Variants in ARFGEF1 observed in about 807,000 individuals in gnomAD.
The protein encoded by ARFGEF1 is ARF guanine nucleotide exchange factor 1, also known as brefeldin A-inhibited guanine nucleotide-exchange protein 1.
In ARFGEF1, 42 loss-of-function variants were observed where a neutral mutation model predicts 231.0. That is an observed-to-expected ratio of 0.18 (90% CI 0.14 to 0.24). The LOEUF (loss-of-function observed/expected upper bound fraction) is 0.24. ARFGEF1 is among the 10% of genes least tolerant of loss of function. The probability of loss-of-function intolerance (pLI) is 1.00; values close to 1 mark genes in which losing one functional copy is unlikely to be tolerated. For synonymous variants in ARFGEF1, 710 were observed against 732.3 expected (o/e 0.97, Z 0.49); for missense variants, 1,345 against 2,192.0 (o/e 0.61, Z 7.72).
intron 22 of ARFGEF1, among the ~76,000 whole-genome samples, chr8:67,233,148 A>C (rs528678038): frequency 2.0e-5 from 3 of 152,168 alleles, no homozygotes; most frequent in Admixed American, 6.5e-5. Context: ...ACACATGGTT[A>C]TAAGTCACAA....
intron 5 of ARFGEF1, among the ~76,000 whole-genome samples, chr8:67,183,714 A>C (rs962542047): frequency 2.0e-5 from 3 of 152,168 alleles, no homozygotes; most frequent in Non-Finnish European, 2.9e-5. Flanking sequence ...GCCAAACTCT[A>C]AAACTCACAG....
At chr8:67,204,484 GTAA>G (rs1480139755) in intron 35 of ARFGEF1, among the ~76,000 whole-genome samples, 193 bp downstream of exon 35, 1 of 152,160 alleles carries the variant, frequency 6.6e-6, no homozygotes, top group Non-Finnish European at 1.5e-5. Flanking sequence ...GAGGTCCCTA[GTAA>G]TCAGTTGCTG....
Position 67,267,122 on chromosome 8 carries a change from C to T in ARFGEF1, c.1781G>A (p.Gly594Asp), listed in dbSNP as rs1265332006. Residue 594 changes from glycine (G) to aspartate (D), a missense_variant, in exon 12 of 39, where the codon GGC (glycine) becomes GAC (aspartate). Gly to Asp is a moderately conservative substitution (Grantham distance 94). This residue lies in a region of ARFGEF1 where 141 missense variants were observed against 259.9 expected (regional missense o/e 0.54). Transcript: ENST00000262215. Reference sequence around the variant, plus strand: ...ATTACTCATACCAAGTTCTTGACTGCCCCTTCCTTGAGCAATTTTTGATAG... The same window carrying T: ...ATTACTCATACCAAGTTCTTGACTGTCCCTTCCTTGAGCAATTTTTGATAG... ...NDLSKIAQGR[G>D]SQELGMSNVQ... 5 of 1,613,008 alleles carry T rather than the reference C, an allele frequency of 3.1e-6. No homozygotes were observed. Among genetic ancestry groups the T allele is most frequent in the South Asian group, 2.2e-5 (2 of 91,044 alleles).
At chr8:67,224,879 T>C (rs1839319547) in intron 29 of ARFGEF1, 24 bp downstream of exon 29, 1 of 1,472,562 alleles carries the variant, frequency 6.8e-7, no homozygotes, top group Non-Finnish European at 9.1e-7. Flanking sequence ...ATCCAAAATT[T>C]TAATTACAAA....
intron 5 of ARFGEF1, among the ~76,000 whole-genome samples, chr8:67,181,980 C>T (rs1398296385): frequency 6.6e-6 from 1 of 152,006 alleles, no homozygotes; most frequent in Non-Finnish European, 1.5e-5. Flanking sequence ...GAGGTTTATC[C>T]ATGTTATAGC....
chr8:67,270,697 C>A (rs1805041264), intron 10 of ARFGEF1, among the ~76,000 whole-genome samples: 1 of 138,140 alleles, frequency 7.2e-6, no homozygotes, highest in Non-Finnish European at 1.5e-5. Flanking sequence ...AACAAAAAAT[C>A]AGAAACTGGT....
At chr8:67,209,270 A>G (rs1031994420) in intron 34 of ARFGEF1, among the ~76,000 whole-genome samples, 36 of 114,174 alleles carry the variant, frequency 3.2e-4, no homozygotes, top group Non-Finnish European at 1.4e-4. Flanking sequence ...GGAATGAATT[A>G]CTGATTATGC....
intron 9 of ARFGEF1, among the ~76,000 whole-genome samples, chr8:67,273,855 G>A (rs1046244203): frequency 2.6e-5 from 4 of 152,018 alleles, no homozygotes; most frequent in Non-Finnish European, 5.9e-5. Context: ...GTCTTCCAAG[G>A]CTTACACACT....
At chr8:67,195,622 C>T (rs1837786727), downstream of ARFGEF1, 5 of 1,586,380 alleles carry the variant, frequency 3.2e-6, no homozygotes, top group Admixed American at 1.7e-5. Flanking sequence ...CCAGTAGTGC[C>T]TTTTAAGGTG....
intron 7 of ARFGEF1, among the ~76,000 whole-genome samples, chr8:67,283,611 A>G (rs1324453837): frequency 3.9e-5 from 6 of 152,206 alleles, no homozygotes; most frequent in Non-Finnish European, 5.9e-5. Flanking sequence ...TCTGTAAAAT[A>G]TATCACAGAA....
intron 9 of ARFGEF1, among the ~76,000 whole-genome samples, chr8:67,275,322 T>A (rs888505810): frequency 1.3e-5 from 2 of 152,146 alleles, no homozygotes; most frequent in Admixed American, 1.3e-4. Flanking sequence ...TCACGAGAGA[T>A]ACTTGACCAT....
chr8:67,266,092 G>A lies in ARFGEF1; in HGVS notation c.2037C>T (p.Tyr679=), dbSNP rs1446565735. The change falls in exon 14 of 39, where the codon TAC becomes TAT. Residue 679 remains tyrosine (Y), a synonymous_variant. Transcript: ENST00000262215. The stretch of plus-strand genomic sequence containing the variant: ...TATCAGTGCCAGACATCTGTGTACT[G>A]TAGCTGCCTATTCCTGATGATGATG... ...ESTSSSGIGS[Y]STQMSGTDNP... The A allele has an allele frequency of 3.1e-6, 5 of 1,613,762 alleles. No homozygotes were observed. The highest frequency in any genetic ancestry group is 4.2e-6 in the Non-Finnish European group (5 of 1,179,790).
chr8:67,179,636 T>C (rs1832537683), intron 5 of ARFGEF1, among the ~76,000 whole-genome samples: 1 of 152,212 alleles, frequency 6.6e-6, no homozygotes, highest in South Asian at 2.1e-4. Context: ...GTAGAATCTG[T>C]AGCCTGGAGA....
chr8:67,342,848 C>T (rs975805754), intron 1 of ARFGEF1, among the ~76,000 whole-genome samples: 8 of 152,138 alleles, frequency 5.3e-5, no homozygotes, highest in African/African-American at 1.9e-4. Context: ...GGGTGGTATC[C>T]AGTCCGCACC....
intron 1 of ARFGEF1, among the ~76,000 whole-genome samples, chr8:67,305,313 G>A (rs1806687963): frequency 6.6e-6 from 1 of 152,178 alleles, no homozygotes; most frequent in Non-Finnish European, 1.5e-5. Context: ...AACTTGATAG[G>A]GAAACTAAGG....
At chr8:67,339,999 A>G (rs1587356105) in intron 1 of ARFGEF1, among the ~76,000 whole-genome samples, 1 of 152,094 alleles carries the variant, frequency 6.6e-6, no homozygotes, top group Non-Finnish European at 1.5e-5. Context: ...ATGCTGTTTC[A>G]TAAGTTATAC....
intron 38 of ARFGEF1, 116 bp downstream of exon 38, chr8:67,200,280 A>G (rs769995142): frequency 2.6e-6 from 2 of 782,916 alleles, no homozygotes; most frequent in African/African-American, 1.7e-5. Flanking sequence ...GCAGCAGTGC[A>G]GCCTGGGCAC....
At chr8:67,308,332 TAG>T (rs1806840637) in intron 1 of ARFGEF1, among the ~76,000 whole-genome samples, 1 of 152,174 alleles carries the variant, frequency 6.6e-6, no homozygotes, top group East Asian at 1.9e-4. Context: ...TAAAGAGGCT[TAG>T]AGAGAATGGG....
At chr8:67,275,921 G>GT in intron 9 of ARFGEF1, 55 bp downstream of exon 9, 2 of 1,599,488 alleles carry the variant, frequency 1.3e-6, no homozygotes, top group South Asian at 2.2e-5. Context: ...TACCTTAACA[G>GT]TAAGTTTCAA....
Sources: gnomAD v4.1 joint callset for allele counts (sites outside exome capture counted in the v4.1 genomes callset) on GRCh38, gnomAD v4.1.1 for gene constraint, gnomAD v4.1.1 regional missense constraint, MANE v1.5 for transcripts, NCBI Gene and HGNC (gene_info 2026-07-23, HGNC 2026-07-21) for gene names.